ANKRD54: variants seen among roughly 807,000 people sequenced by gnomAD.
The protein encoded by ANKRD54 is ankyrin repeat domain 54.
A neutral mutation model predicts 36.2 loss-of-function variants in ANKRD54; 26 were observed. The observed-to-expected ratio is 0.72, with a 90% CI of 0.53 to 1.00. The LOEUF is 1.00. ANKRD54 is among the 50% of genes least tolerant of loss of function. The pLI is 0.00. For synonymous variants in ANKRD54, 209 were observed against 188.4 expected (o/e 1.11, Z -0.89); for missense variants, 384 against 424.3 (o/e 0.91, Z 0.83).
intron 3 of ANKRD54, among the ~76,000 whole-genome samples, chr22:37,835,587 G>A (rs1439861107): frequency 1.3e-5 from 2 of 152,220 alleles, no homozygotes; most frequent in Non-Finnish European, 2.9e-5. Flanking sequence ...TGACAGGATC[G>A]CCTGAGCCCA....
chr22:37,844,847 C>T (rs768933883), upstream of ANKRD54, among the ~76,000 whole-genome samples: 30 of 152,064 alleles, frequency 2.0e-4, no homozygotes, highest in Admixed American at 4.6e-4. Flanking sequence ...GGATTACAGG[C>T]GTGAGCCACC....
chr22:37,835,303 A>G (rs1026144764), intron 3 of ANKRD54, among the ~76,000 whole-genome samples: 1 of 152,144 alleles, frequency 6.6e-6, no homozygotes, highest in Non-Finnish European at 1.5e-5. Context: ...CAGAGCTTGC[A>G]GTGAGCCAAG....
intron 3 of ANKRD54, 66 bp downstream of exon 3, chr22:37,838,434 C>G: frequency 6.8e-7 from 1 of 1,481,030 alleles, no homozygotes; most frequent in Non-Finnish European, 9.2e-7. Flanking sequence ...AGCAGCGCCT[C>G]CCCCAAGGCC....
chr22:37,840,159 T>C, intron 2 of ANKRD54, 28 bp downstream of exon 2: 2 of 1,613,902 alleles, frequency 1.2e-6, no homozygotes, highest in Non-Finnish European at 1.7e-6. Context: ...CATGGGACCC[T>C]GTAGCTGGAC....
chr22:37,833,794 T>G, intron 3 of ANKRD54, 39 bp from the exon 4 acceptor site: 1 of 1,601,300 alleles, frequency 6.2e-7, no homozygotes, highest in African/African-American at 1.3e-5. Context: ...GTCGGAGGCT[T>G]CCATTGCCTG....
Position 37,844,058 on chromosome 22 carries a change from C to A in ANKRD54, c.181G>T (p.Ala61Ser). The change falls in exon 1 of 8, where the codon GCC becomes TCC. Residue 61 changes from alanine (A) to serine (S), a missense_variant. By Grantham distance (99) the Ala-to-Ser change is moderately conservative. This residue lies in a region of ANKRD54 where 195 missense variants were observed against 177.7 expected (regional missense o/e 1.10). Coordinates refer to ENST00000215941, the MANE Select transcript of ANKRD54 (RefSeq NM_138797.4). ...TGCAAGTAGCGCAGCGGCGACTGGG[C>A]CCCGCCGGACGCCCGGCCCGAGAGG... ...AGLSGRASGGAQSPLRYLHVL... is the reference protein window; with the variant it reads ...AGLSGRASGGSQSPLRYLHVL... 1 of 1,434,204 alleles carries A rather than the reference C, an allele frequency of 7.0e-7. No homozygotes were observed. The highest frequency in any genetic ancestry group is 3.0e-5 in the East Asian group (1 of 33,058). 88.8% of individuals were successfully genotyped at this position (1,434,204 alleles called of 1,614,324 possible).
Position 37,833,218 on chromosome 22 carries a change from C to T in ANKRD54, c.548-12G>A, listed in dbSNP as rs1923120028. The T allele has an allele frequency of 1.2e-6, 2 of 1,613,262 alleles. No homozygotes were observed. The highest frequency in any genetic ancestry group is 1.7e-6 in the Non-Finnish European group (2 of 1,179,870). ...GTTGGTGCAGGCCGCTGAGGAAGAA[C>T]AACAGAGACTTAAGAATCCAGGACC... On this transcript the variant is annotated splice_polypyrimidine_tract_variant and intron_variant, in intron 4 of 7. Transcript: ENST00000215941.
At position 37,844,097 on chromosome 22, in the gene ANKRD54, C is replaced by T. The variant is rs867170028; in HGVS notation, c.142G>A (p.Gly48Ser). ...CGGCCCGAGAGGCCCGCGCCGCCGC[C>T]GCCCAGCGCAGACCCGAAGTCAGCG... ...SFADFGSALG[G>S]GGAGLSGRAS... Residue 48 changes from glycine (G) to serine (S), a missense_variant, in exon 1 of 8, where the codon GGC becomes AGC. Physicochemically the swap from Gly to Ser is moderately conservative, Grantham distance 56 (BLOSUM62 0). This residue lies in a region of ANKRD54 where 195 missense variants were observed against 177.7 expected (regional missense o/e 1.10). Transcript: ENST00000215941. 3 of 1,455,732 alleles carry T rather than the reference C, an allele frequency of 2.1e-6. No homozygotes were observed. Among genetic ancestry groups the T allele is most frequent in the East Asian group, 3.0e-5 (1 of 33,370 alleles). 90.2% of individuals were successfully genotyped at this position (1,455,732 alleles called of 1,614,324 possible). A position where few individuals can be genotyped will look rare whatever the true frequency, so the allele number is the denominator to read the frequency against.
At chr22:37,844,887 T>C (rs1924743465), upstream of ANKRD54, among the ~76,000 whole-genome samples, 1 of 151,764 alleles carries the variant, frequency 6.6e-6, no homozygotes, top group African/African-American at 2.4e-5. Context: ...CTTTTTCCTC[T>C]CCATTTCCCA....
Position 37,831,767 on chromosome 22 carries a change from G to A in ANKRD54, c.*176C>T. On this transcript the variant is annotated 3_prime_UTR_variant, in exon 8 of 8. Coordinates refer to ENST00000215941, the MANE Select transcript of ANKRD54 (RefSeq NM_138797.4). The stretch of plus-strand genomic sequence containing the variant: ...CAGAGATGCTGGAAACTGTGGCTGG[G>A]AGTGGCTCTGAGGCCGTGGAGAGAG... The A allele has an allele frequency of 1.7e-6, 1 of 605,266 alleles. No individual in the cohort carries two copies. Among genetic ancestry groups the A allele is most frequent in the Non-Finnish European group, 2.9e-6 (1 of 343,970 alleles). 37.5% of individuals were successfully genotyped at this position (605,266 alleles called of 1,614,324 possible).
At chr22:37,839,176 G>A (rs191572199) in intron 2 of ANKRD54, among the ~76,000 whole-genome samples, 7 of 150,920 alleles carry the variant, frequency 4.6e-5, no homozygotes, top group Middle Eastern at 3.4e-3. Flanking sequence ...CACCCGGCCC[G>A]AAAAAATGTT....
At chr22:37,840,554 G>A (rs944172655) in intron 1 of ANKRD54, among the ~76,000 whole-genome samples, 26 of 151,324 alleles carry the variant, frequency 1.7e-4, no homozygotes, top group Admixed American at 6.6e-4. Flanking sequence ...GTGAGACTCC[G>A]TCTCAAAACA....
chr22:37,847,257 G>A (rs1924890652), upstream of ANKRD54, among the ~76,000 whole-genome samples: 1 of 151,238 alleles, frequency 6.6e-6, no homozygotes, highest in Admixed American at 6.6e-5. Flanking sequence ...CCGCCTCCTA[G>A]GTTCAAGTGA....
In ANKRD54 at chr22:37,844,297, C is replaced by T; in HGVS notation, c.-59G>A. ...CCTCGTTCCCGACCGACCAACGGAC[C>T]TACTTCCCTCCGCCCTGAGTCGTGC... On this transcript the variant is annotated 5_prime_UTR_variant, in exon 1 of 8. Coordinates refer to ENST00000215941, the MANE Select transcript of ANKRD54 (RefSeq NM_138797.4). 6.6e-7 allele frequency: 1 copy of T among 1,521,186 alleles called. No individual in the cohort carries two copies. Among genetic ancestry groups the T allele is most frequent in the African/African-American group, 1.4e-5 (1 of 69,452 alleles). 94.2% of individuals were successfully genotyped at this position (1,521,186 alleles called of 1,614,324 possible).
intron 3 of ANKRD54, among the ~76,000 whole-genome samples, chr22:37,836,247 G>A (rs1923515655): frequency 1.3e-5 from 2 of 150,282 alleles, no homozygotes; most frequent in African/African-American, 2.4e-5. Context: ...AGGAGTTCGA[G>A]ACCAGCCTGA....
chr22:37,842,880 G>A (rs1924452690), intron 1 of ANKRD54, among the ~76,000 whole-genome samples: 1 of 152,198 alleles, frequency 6.6e-6, no homozygotes, highest in Non-Finnish European at 1.5e-5. Flanking sequence ...AGATATACCA[G>A]AGGAGAAGTT....
chr22:37,831,908 T>A lies in ANKRD54; in HGVS notation c.*35A>T, dbSNP rs1013503552. 1.1e-5 allele frequency: 17 copies of A among 1,607,028 alleles called. No homozygotes were observed. The highest frequency in any genetic ancestry group is 1.4e-5 in the Non-Finnish European group (17 of 1,175,712). ...GTACTGAGACAGCAGTGGGGCAGGG[T>A]GGGGCAGTGGCAGGAAGGCAGGGAG... On this transcript the variant is annotated 3_prime_UTR_variant, in exon 8 of 8. Coordinates refer to ENST00000215941, the MANE Select transcript of ANKRD54 (RefSeq NM_138797.4).
rs568369559 is a variant in ANKRD54, at chr22:37,839,554, A to C, written c.376+633T>G. On this transcript the variant is annotated intron_variant, in intron 2 of 7. Transcript: ENST00000215941. ...AGGCGCCCACCACCACGTCCGGCTA[A>C]TTTTTTGTATTTTCAGTAGAGATGG... 7.9e-5 allele frequency among the ~76,000 whole-genome samples: 12 copies of C among 152,148 alleles called. No individual in the cohort carries two copies. The South Asian group carries it at 2.3e-3, about 29-fold the overall frequency.
chr22:37,844,654 AC>A (rs1924724774), upstream of ANKRD54, among the ~76,000 whole-genome samples: 1 of 151,960 alleles, frequency 6.6e-6, no homozygotes, highest in South Asian at 2.1e-4. Context: ...GCTCACTGCA[AC>A]CTCCGCCTCC....
Sources: allele counts gnomAD v4.1 joint callset (sites outside exome capture counted in the v4.1 genomes callset), GRCh38; gene constraint gnomAD v4.1.1; regional missense constraint gnomAD v4.1.1; transcripts MANE v1.5; gene names NCBI Gene and HGNC (gene_info 2026-07-23, HGNC 2026-07-21).